The following TMTC2 variants were observed in gnomAD, a reference collection of about 807,000 sequenced individuals.
TMTC2 encodes the protein protein O-mannosyl-transferase TMTC2.
In TMTC2, 43 loss-of-function variants were observed where a neutral mutation model predicts 82.4. That is an observed-to-expected ratio of 0.52 (90% CI 0.41 to 0.67). TMTC2 has a LOEUF of 0.67. Among genes scored for constraint, TMTC2 ranks in the 30% least tolerant of loss-of-function variants. The probability of loss-of-function intolerance (pLI) is 0.00; values close to 1 mark genes in which losing one functional copy is unlikely to be tolerated. For missense variants in TMTC2, 919 were observed against 1,012.4 expected (o/e 0.91, Z 1.25); for synonymous variants, 408 against 381.9 (o/e 1.07, Z -0.80).
chr12:82,730,993 A>G (rs1294630950), intron 1 of TMTC2, among the ~76,000 whole-genome samples: 1 of 152,280 alleles, frequency 6.6e-6, no homozygotes, highest in African/African-American at 2.4e-5. Flanking sequence ...GTGGAAAAGC[A>G]GACATCTTCA....
intron 8 of TMTC2, among the ~76,000 whole-genome samples, chr12:82,987,050 A>G (rs1176820290): frequency 2.6e-5 from 4 of 152,214 alleles, no homozygotes; most frequent in Admixed American, 2.6e-4. Context: ...ATTCATTGAA[A>G]AGTATTTTTG....
intron 9 of TMTC2, 107 bp from the exon 10 acceptor site, chr12:83,050,797 C>A: frequency 4.9e-6 from 3 of 613,716 alleles, no homozygotes; most frequent in South Asian, 2.5e-5. Flanking sequence ...GTTATTAAAT[C>A]TTAGCTTCAA....
At chr12:82,856,888 G>C in intron 1 of TMTC2, 122 bp from the exon 2 acceptor site, 1 of 941,756 alleles carries the variant, frequency 1.1e-6, no homozygotes, top group Non-Finnish European at 1.6e-6. Context: ...TATGTGCCTG[G>C]AATCCCATCA....
chr12:82,819,095 A>ATTC (rs1868924088), intron 1 of TMTC2, among the ~76,000 whole-genome samples: 1 of 152,054 alleles, frequency 6.6e-6, no homozygotes, highest in South Asian at 2.1e-4. Flanking sequence ...AGAATTATTT[A>ATTC]TATACATCCT....
At chr12:83,018,029 T>C (rs540095702) in intron 8 of TMTC2, among the ~76,000 whole-genome samples, 267 of 143,014 alleles carry the variant, frequency 1.9e-3, no homozygotes, top group Middle Eastern at 3.6e-3. Flanking sequence ...ATATAGTATA[T>C]ATATATTGTG....
At chr12:82,806,540 G>A (rs923524952) in intron 1 of TMTC2, among the ~76,000 whole-genome samples, 1 of 152,116 alleles carries the variant, frequency 6.6e-6, no homozygotes, top group African/African-American at 2.4e-5. Flanking sequence ...GCTCCGTGCA[G>A]TCGAAAATGT....
chr12:83,048,395 A>T (rs562494057), intron 9 of TMTC2, among the ~76,000 whole-genome samples: 1 of 152,266 alleles, frequency 6.6e-6, no homozygotes, highest in African/African-American at 2.4e-5. Context: ...AATGTAACTT[A>T]TTTATAATTC....
chr12:83,095,325 C>G (rs1286151980), intron 11 of TMTC2, among the ~76,000 whole-genome samples: 1 of 151,110 alleles, frequency 6.6e-6, no homozygotes, highest in African/African-American at 2.4e-5. Context: ...ACTGCAAGCT[C>G]TGCCTCCCGG....
chr12:82,802,520 G>A (rs1879062295), intron 1 of TMTC2, among the ~76,000 whole-genome samples: 2 of 152,190 alleles, frequency 1.3e-5, no homozygotes, highest in Non-Finnish European at 2.9e-5. Flanking sequence ...CACTTCTACT[G>A]TAATAAGGGA....
intron 2 of TMTC2, among the ~76,000 whole-genome samples, chr12:82,882,390 A>G (rs542192904): frequency 3.0e-4 from 46 of 152,316 alleles, no homozygotes; most frequent in Non-Finnish European, 5.4e-4. Context: ...GGAGCAAACT[A>G]AATAGTACGT....
At chr12:82,761,372 T>G (rs1366768972) in intron 1 of TMTC2, among the ~76,000 whole-genome samples, 1 of 152,206 alleles carries the variant, frequency 6.6e-6, no homozygotes, top group Non-Finnish European at 1.5e-5. Flanking sequence ...TAAGAGAAAC[T>G]GCAGAGCAAT....
At chr12:83,068,357 A>G (rs1882993077) in intron 11 of TMTC2, among the ~76,000 whole-genome samples, 1 of 152,182 alleles carries the variant, frequency 6.6e-6, no homozygotes. Flanking sequence ...GAACAAAAAA[A>G]CATAAAACCA....
At chr12:82,937,766 A>ATATATGTGTG (rs1876435842) in intron 4 of TMTC2, among the ~76,000 whole-genome samples, 3 of 20,722 alleles carry the variant, frequency 1.4e-4, no homozygotes, top group African/African-American at 4.5e-4. Context: ...ATATATATAT[A>ATATATGTGTG]TATATATATA....
intron 4 of TMTC2, among the ~76,000 whole-genome samples, chr12:82,951,900 A>T (rs1316758518): frequency 6.6e-6 from 1 of 152,214 alleles, no homozygotes; most frequent in African/African-American, 2.4e-5. Context: ...TAATTAAGGA[A>T]AAGAGAAAGG....
At chr12:82,964,134 C>T (rs1878079561) in intron 4 of TMTC2, among the ~76,000 whole-genome samples, 1 of 151,704 alleles carries the variant, frequency 6.6e-6, no homozygotes, top group Admixed American at 6.6e-5. Context: ...CAGCAGTATT[C>T]AGGCTCAATA....
intron 8 of TMTC2, among the ~76,000 whole-genome samples, chr12:82,998,328 G>A (rs1879759089): frequency 6.6e-6 from 1 of 152,062 alleles, no homozygotes; most frequent in Non-Finnish European, 1.5e-5. Context: ...TTAACATCGA[G>A]GCTAGAGCTA....
chr12:83,051,040 C>A, intron 10 of TMTC2, 22 bp downstream of exon 10: 1 of 1,561,466 alleles, frequency 6.4e-7, no homozygotes, highest in Non-Finnish European at 8.8e-7. Context: ...TGCTGCTGTG[C>A]CTCAAAGCCT....
At chr12:82,735,581 G>A (rs565748801) in intron 1 of TMTC2, among the ~76,000 whole-genome samples, 26 of 151,944 alleles carry the variant, frequency 1.7e-4, no homozygotes, top group African/African-American at 5.8e-4. Flanking sequence ...TCCTGACCTT[G>A]TGATCCGCCC....
chr12:82,930,591 C>A, intron 4 of TMTC2, 46 bp downstream of exon 4: 1 of 1,161,072 alleles, frequency 8.6e-7, no homozygotes, highest in Non-Finnish European at 1.3e-6. Context: ...TTGAAACCTG[C>A]AGTGAGAGGG....
Sources: gnomAD v4.1 joint callset for allele counts (sites outside exome capture counted in the v4.1 genomes callset) on GRCh38, gnomAD v4.1.1 for gene constraint, MANE v1.5 for transcripts, NCBI Gene and HGNC (gene_info 2026-07-23, HGNC 2026-07-21) for gene names.